The following SLC37A3 variants were observed in gnomAD, a reference collection of about 807,000 sequenced individuals.
SLC37A3 encodes sugar phosphate exchanger 3.
A neutral mutation model predicts 67.1 loss-of-function variants in SLC37A3; 51 were observed. The observed-to-expected ratio is 0.76, with a 90% CI of 0.61 to 0.96. SLC37A3 has a LOEUF of 0.96. Among genes scored for constraint, SLC37A3 ranks in the 40% least tolerant of loss-of-function variants. SLC37A3 has a pLI of 0.00. For missense variants in SLC37A3, 508 were observed against 603.0 expected (o/e 0.84, Z 1.65); for synonymous variants, 214 against 231.4 (o/e 0.92, Z 0.68).
chr7:140,365,505 G>A (rs1295286491), intron 4 of SLC37A3, among the ~76,000 whole-genome samples: 3 of 152,162 alleles, frequency 2.0e-5, no homozygotes, highest in African/African-American at 7.2e-5. Context: ...TGGATCACCT[G>A]AGGTGAAGAG....
At chr7:140,364,796 T>C (rs1797534759) in intron 4 of SLC37A3, among the ~76,000 whole-genome samples, 1 of 151,748 alleles carries the variant, frequency 6.6e-6, no homozygotes, top group South Asian at 2.1e-4. Flanking sequence ...CAGGGCAAAC[T>C]TTGGTTTTAC....
In SLC37A3 at chr7:140,351,837, C is replaced by T. The variant is rs1489000621; in HGVS notation, c.703+225G>A. On this transcript the variant is annotated intron_variant, in intron 8 of 14. Coordinates refer to ENST00000326232, the MANE Select transcript of SLC37A3 (RefSeq NM_207113.3). Reference sequence around the variant, plus strand: ...AATAATTTGCAAATGCGAAGATTTTCCTGTATCTATAAAAGACGTGCATCA... The same window carrying T: ...AATAATTTGCAAATGCGAAGATTTTTCTGTATCTATAAAAGACGTGCATCA... 3.3e-5 allele frequency: 21 copies of T among 631,752 alleles called. No homozygotes were observed. In the East Asian group the frequency reaches 5.9e-4, roughly 18 times the overall value. The allele number at this position is 631,752 out of a possible 1,614,324, so 39.1% of individuals were successfully genotyped here.
At chr7:140,392,427 G>C (rs886404300) in intron 1 of SLC37A3, among the ~76,000 whole-genome samples, 5 of 151,892 alleles carry the variant, frequency 3.3e-5, no homozygotes, top group African/African-American at 1.2e-4. Flanking sequence ...CCTCCAGATG[G>C]ATAAGCTCAC....
chr7:140,333,877 C>T lies in SLC37A3; in HGVS notation c.*1535G>A, dbSNP rs892465380. 2 of 152,572 alleles carry T rather than the reference C, an allele frequency of 1.3e-5. No homozygotes were observed. The highest frequency in any genetic ancestry group is 1.5e-5 in the Non-Finnish European group (1 of 68,042). 9.5% of individuals were successfully genotyped at this position (152,572 alleles called of 1,614,324 possible). A position where few individuals can be genotyped will look rare whatever the true frequency, so the allele number is the denominator to read the frequency against. On this transcript the variant is annotated 3_prime_UTR_variant, in exon 15 of 15. Coordinates refer to ENST00000326232, the MANE Select transcript of SLC37A3 (RefSeq NM_207113.3). ...TAACATTAACAAGTTCATAAACACA[C>T]CCCATATCAGAGTATAAAGCAAGAG...
Position 140,398,460 on chromosome 7 carries a change from G to T in SLC37A3, c.-115C>A, listed in dbSNP as rs1026933714. The T allele has an allele frequency of 2.0e-5, 3 of 152,174 alleles. No homozygotes were observed. Among genetic ancestry groups the T allele is most frequent in the Non-Finnish European group, 4.4e-5 (3 of 68,170 alleles). 9.4% of individuals were successfully genotyped at this position (152,174 alleles called of 1,614,324 possible). A position where few individuals can be genotyped will look rare whatever the true frequency, so the allele number is the denominator to read the frequency against. ...CCGCTCTCCAGCCCCGGCTCCGCTCGCCGGGTCAGCTTGGCTCCGCTGCCC... is the reference window on the plus strand; with the variant it reads ...CCGCTCTCCAGCCCCGGCTCCGCTCTCCGGGTCAGCTTGGCTCCGCTGCCC... On this transcript the variant is annotated 5_prime_UTR_variant, in exon 1 of 15. Transcript: ENST00000326232.
chr7:140,389,304 G>A (rs1798633322), intron 1 of SLC37A3, among the ~76,000 whole-genome samples: 1 of 152,106 alleles, frequency 6.6e-6, no homozygotes, highest in Non-Finnish European at 1.5e-5. Context: ...CAGTGCTGGA[G>A]ATATTTTGTA....
intron 13 of SLC37A3, among the ~76,000 whole-genome samples, chr7:140,340,818 C>T (rs557721547): frequency 2.0e-5 from 3 of 152,060 alleles, no homozygotes; most frequent in Non-Finnish European, 4.4e-5. Flanking sequence ...GCAGTCCAAG[C>T]TACTTGGGAG....
chr7:140,375,161 A>G (rs921049935), intron 3 of SLC37A3, among the ~76,000 whole-genome samples: 1 of 109,962 alleles, frequency 9.1e-6, no homozygotes, highest in African/African-American at 3.1e-5. Context: ...CTCAAAAAAA[A>G]AACAAAAAAC....
chr7:140,358,002 G>A (rs1323553065), intron 6 of SLC37A3, among the ~76,000 whole-genome samples: 8 of 151,986 alleles, frequency 5.3e-5, no homozygotes, highest in Non-Finnish European at 8.8e-5. Flanking sequence ...CTTGAACCCC[G>A]GAGGCGAAGG....
At position 140,352,131 on chromosome 7, in the gene SLC37A3, T is replaced by C. The variant is rs892769822; in HGVS notation, c.634A>G (p.Thr212Ala). The C allele has an allele frequency of 6.2e-7, 1 of 1,610,520 alleles. No individual in the cohort carries two copies. Among genetic ancestry groups the C allele is most frequent in the African/African-American group, 1.4e-5 (1 of 74,056 alleles). The part of the protein sequence containing the change: ...QYGYEYAFLV[T>A]ASVQFAGGIV... ...CCACCAGCAAACTGCACAGACGCCG[T>C]CACCAGAAAGGCATACTGGAGGAGA... The change falls in exon 8 of 15, where the codon ACG becomes GCG. Residue 212 changes from threonine (T) to alanine (A), a missense_variant. Coordinates refer to ENST00000326232, the MANE Select transcript of SLC37A3 (RefSeq NM_207113.3).
chr7:140,362,673 T>TGG (rs781223629), intron 5 of SLC37A3, among the ~76,000 whole-genome samples: 1 of 15,730 alleles, frequency 6.4e-5, no homozygotes, highest in Non-Finnish European at 1.3e-4. Flanking sequence ...GGGAGGGAGG[T>TGG]GGGGGGGGGG....
intron 1 of SLC37A3, among the ~76,000 whole-genome samples, chr7:140,383,568 T>C (rs1375179448): frequency 6.6e-6 from 1 of 152,178 alleles, no homozygotes; most frequent in Non-Finnish European, 1.5e-5. Flanking sequence ...GCAAGCTGCC[T>C]AACCCCTGTC....
intron 11 of SLC37A3, 58 bp from the exon 12 acceptor site, chr7:140,345,321 C>T (rs1192165660): frequency 7.3e-7 from 1 of 1,368,644 alleles, no homozygotes; most frequent in Admixed American, 1.7e-5. Flanking sequence ...CCACGTGCCT[C>T]TGCCAACCGT....
intron 1 of SLC37A3, among the ~76,000 whole-genome samples, 171 bp downstream of exon 1, chr7:140,398,245 G>C (rs963487739): frequency 6.6e-6 from 1 of 152,068 alleles, no homozygotes; most frequent in Non-Finnish European, 1.5e-5. Context: ...CCCCAGGCCC[G>C]GGCCCAGGGA....
intron 13 of SLC37A3, among the ~76,000 whole-genome samples, chr7:140,342,978 C>CG (rs1011815307): frequency 2.6e-5 from 4 of 152,074 alleles, no homozygotes; most frequent in African/African-American, 9.7e-5. Context: ...CCATGTCTGG[C>CG]GGGGCCCAGG....
intron 1 of SLC37A3, among the ~76,000 whole-genome samples, chr7:140,396,841 G>A (rs1326067250): frequency 2.0e-5 from 3 of 150,292 alleles, no homozygotes; most frequent in Non-Finnish European, 4.4e-5. Flanking sequence ...TGGAATCTAA[G>A]ACCCTCCACT....
At chr7:140,345,127 C>T in intron 12 of SLC37A3, 89 bp downstream of exon 12, 2 of 1,167,630 alleles carry the variant, frequency 1.7e-6, no homozygotes, top group Non-Finnish European at 1.3e-6. Flanking sequence ...GGTTTCGGTA[C>T]TACTCAAATT....
chr7:140,356,359 CA>C (rs1326258713), intron 6 of SLC37A3, among the ~76,000 whole-genome samples: 1 of 151,978 alleles, frequency 6.6e-6, no homozygotes, highest in Non-Finnish European at 1.5e-5. Flanking sequence ...AGATACTTCA[CA>C]CAAAAAAATA....
chr7:140,352,400 G>A (rs573499013), intron 7 of SLC37A3, among the ~76,000 whole-genome samples: 1 of 152,084 alleles, frequency 6.6e-6, no homozygotes, highest in Non-Finnish European at 1.5e-5. Flanking sequence ...ATACTAAGTG[G>A]TACTGTTATG....
Sources: gnomAD v4.1 joint callset for allele counts (sites outside exome capture counted in the v4.1 genomes callset) on GRCh38, gnomAD v4.1.1 for gene constraint, MANE v1.5 for transcripts, NCBI Gene and HGNC (gene_info 2026-07-23, HGNC 2026-07-21) for gene names.